NFIB: variants seen among roughly 807,000 people sequenced by gnomAD.
NFIB encodes the protein nuclear factor I B.
Under a neutral mutation model 61.5 loss-of-function variants are expected in NFIB, and 11 were observed. The ratio of observed to expected loss-of-function variants is 0.18; its 90% CI spans 0.11 to 0.30. NFIB has a LOEUF of 0.30. Ranked by LOEUF, NFIB falls within the 10% of genes least tolerant of loss-of-function variation. NFIB has a pLI of 1.00. For synonymous variants in NFIB, 260 were observed against 216.5 expected (o/e 1.20, Z -1.76); for missense variants, 471 against 608.9 (o/e 0.77, Z 2.38).
intron 2 of NFIB, among the ~76,000 whole-genome samples, chr9:14,243,771 A>G (rs570196103): frequency 6.6e-6 from 1 of 152,292 alleles, no homozygotes; most frequent in Admixed American, 6.5e-5. Flanking sequence ...TCATCCACTC[A>G]AAGACCAGGA....
chr9:14,185,821 C>G (rs139520168), intron 2 of NFIB, among the ~76,000 whole-genome samples: 2 of 152,276 alleles, frequency 1.3e-5, no homozygotes, highest in South Asian at 4.1e-4. Context: ...AGGCTCAATC[C>G]TACTTCCCAA....
chr9:14,413,012 C>T, the NFIB span, among the ~76,000 whole-genome samples: 1 of 152,158 alleles, frequency 6.6e-6, no homozygotes, highest in African/African-American at 2.4e-5. Context: ...AATCACACCT[C>T]TTTAACTGGC....
At chr9:14,379,874 G>A (rs1460028583) in intron 1 of NFIB, among the ~76,000 whole-genome samples, 1 of 151,882 alleles carries the variant, frequency 6.6e-6, no homozygotes, top group Non-Finnish European at 1.5e-5. Flanking sequence ...GTAGAGACGG[G>A]GTTTCACCAT....
At chr9:14,506,044 AGTC>A in the NFIB span, among the ~76,000 whole-genome samples, 128 of 152,336 alleles carry the variant, frequency 8.4e-4, no homozygotes, top group African/African-American at 3.0e-3. Flanking sequence ...AGAAAGAAAA[AGTC>A]ATTATAGAAA....
intron 1 of NFIB, among the ~76,000 whole-genome samples, chr9:14,334,221 G>T (rs538804125): frequency 6.6e-6 from 1 of 152,168 alleles, no homozygotes; most frequent in East Asian, 1.9e-4. Flanking sequence ...ATTCTTTTGG[G>T]GTATAAGCCT....
At chr9:14,174,716 G>A (rs929569266) in intron 3 of NFIB, among the ~76,000 whole-genome samples, 4 of 147,642 alleles carry the variant, frequency 2.7e-5, no homozygotes, top group East Asian at 2.0e-4. Context: ...GCAGTGAGCC[G>A]AGATCACGCC....
At chr9:14,337,051 C>T (rs191699101) in intron 1 of NFIB, among the ~76,000 whole-genome samples, 2 of 152,288 alleles carry the variant, frequency 1.3e-5, no homozygotes, top group East Asian at 3.9e-4. Flanking sequence ...TTTTGTTCTT[C>T]CAACCATTTC....
intron 2 of NFIB, among the ~76,000 whole-genome samples, chr9:14,257,666 G>C (rs1215273793): frequency 6.6e-6 from 1 of 152,176 alleles, no homozygotes; most frequent in Non-Finnish European, 1.5e-5. Flanking sequence ...TGAGGCAGGA[G>C]AATCGCTTGA....
intron 2 of NFIB, among the ~76,000 whole-genome samples, chr9:14,202,046 G>A (rs1369229652): frequency 6.6e-6 from 1 of 151,622 alleles, no homozygotes. Context: ...TCACTTGCTA[G>A]CAGGTAAAAT....
chr9:14,303,508 T>C (rs1588232036), intron 2 of NFIB, among the ~76,000 whole-genome samples: 1 of 152,204 alleles, frequency 6.6e-6, no homozygotes, highest in African/African-American at 2.4e-5. Flanking sequence ...TTTAGAGCTA[T>C]TTTTTCTTTA....
chr9:14,504,477 ATTTG>A, the NFIB span, among the ~76,000 whole-genome samples: 1 of 152,070 alleles, frequency 6.6e-6, no homozygotes, highest in Non-Finnish European at 1.5e-5. Flanking sequence ...ATGTGTTTCC[ATTTG>A]TTTGTGTCAT....
At chr9:14,386,199 G>T (rs1426425959) in intron 1 of NFIB, among the ~76,000 whole-genome samples, 1 of 152,156 alleles carries the variant, frequency 6.6e-6, no homozygotes, top group African/African-American at 2.4e-5. Context: ...TTTAAATGTA[G>T]CATAATATAT....
At chr9:14,114,994 C>A (rs541525979) in intron 9 of NFIB, among the ~76,000 whole-genome samples, 1 of 152,072 alleles carries the variant, frequency 6.6e-6, no homozygotes, top group East Asian at 1.9e-4. Flanking sequence ...CTGAGTAGGT[C>A]GCATCCATCT....
the NFIB span, among the ~76,000 whole-genome samples, chr9:14,489,595 C>T: frequency 6.6e-6 from 1 of 152,080 alleles, no homozygotes; most frequent in South Asian, 2.1e-4. Flanking sequence ...AAGAAAGTCT[C>T]CTTCCAGGCT....
rs2032325693 is a variant in NFIB at position 14,083,346 on chromosome 9, T to C, written c.*4963A>G. 1 of 226,248 alleles carries C rather than the reference T, an allele frequency of 4.4e-6. No individual in the cohort carries two copies. The highest frequency in any genetic ancestry group is 8.8e-6 in the Non-Finnish European group (1 of 113,652). The allele number at this position is 226,248 out of a possible 1,614,324, so 14.0% of individuals were successfully genotyped here. On this transcript the variant is annotated 3_prime_UTR_variant, in exon 11 of 11. Coordinates refer to ENST00000380953, the MANE Select transcript of NFIB (RefSeq NM_001190737.2). ...CAGGGCTCCACTCCACCCACACAATTTTAGGGAATTAGAAAAAACAGGGGA... is the reference window on the plus strand; with the variant it reads ...CAGGGCTCCACTCCACCCACACAATCTTAGGGAATTAGAAAAAACAGGGGA...
chr9:14,088,905 A>T (rs2033328944), intron 10 of NFIB, among the ~76,000 whole-genome samples: 1 of 152,214 alleles, frequency 6.6e-6, no homozygotes, highest in African/African-American at 2.4e-5. Flanking sequence ...ACAATTTGAA[A>T]TGCCCAATTA....
In NFIB at chr9:14,324,672, T is replaced by A. The variant is rs1027141619; in HGVS notation, c.109-17152A>T. On this transcript the variant is annotated intron_variant, in intron 1 of 8. Transcript: ENST00000380934. The stretch of plus-strand genomic sequence containing the variant: ...GGAGGAATCCAGAGTTTGTATCACC[T>A]GTCAAAGAATTTCTATCTAAGCATT... Among the ~76,000 whole-genome samples the A allele has an allele frequency of 2.6e-4, 39 of 152,198 alleles. 1 individual carries two copies. The highest frequency in any genetic ancestry group is 1.0e-4 in the Non-Finnish European group (7 of 67,978).
At chr9:14,494,617 T>C in the NFIB span, among the ~76,000 whole-genome samples, 1 of 152,236 alleles carries the variant, frequency 6.6e-6, no homozygotes, top group Non-Finnish European at 1.5e-5. Context: ...ACTTCTTCTC[T>C]TATGGCTATT....
At chr9:14,424,550 C>T in the NFIB span, among the ~76,000 whole-genome samples, 12 of 152,276 alleles carry the variant, frequency 7.9e-5, no homozygotes, top group Non-Finnish European at 1.2e-4. Context: ...CCTCGGACTA[C>T]CCAATTAGAA....
Sources: gnomAD v4.1 joint callset for allele counts (sites outside exome capture counted in the v4.1 genomes callset) on GRCh38, gnomAD v4.1.1 for gene constraint, MANE v1.5 for transcripts, NCBI Gene and HGNC (gene_info 2026-07-23, HGNC 2026-07-21) for gene names.